The following PHACTR1 variants were observed in gnomAD, a reference collection of about 807,000 sequenced individuals.
PHACTR1 encodes phosphatase and actin regulator 1, also known as RPEL repeat containing 1.
A neutral mutation model predicts 69.2 loss-of-function variants in PHACTR1; 16 were observed. That is an observed-to-expected ratio of 0.23 (90% confidence interval 0.16 to 0.35). PHACTR1 has a LOEUF of 0.35. PHACTR1 is among the 10% of genes least tolerant of loss of function. PHACTR1 has a pLI of 1.00. For missense variants in PHACTR1, 510 were observed against 734.7 expected (o/e 0.69, Z 3.54); for synonymous variants, 312 against 284.5 (o/e 1.10, Z -0.97).
intron 4 of PHACTR1, among the ~76,000 whole-genome samples, chr6:12,977,380 TCACACA>T (rs67391969): frequency 1.3e-5 from 2 of 149,310 alleles, no homozygotes; most frequent in Non-Finnish European, 3.0e-5. Flanking sequence ...TCTCTCTCTT[TCACACA>T]CACACACACA....
chr6:13,040,887 C>T (rs1804035439), intron 4 of PHACTR1, among the ~76,000 whole-genome samples: 1 of 152,138 alleles, frequency 6.6e-6, no homozygotes, highest in Admixed American at 6.5e-5. Flanking sequence ...GATTAACTTG[C>T]CTGTGGTTAC....
Position 12,810,372 on chromosome 6 carries a change from A to G in PHACTR1, c.250+60582A>G, listed in dbSNP as rs185215345. ...TTTGTTTTTGCCTAAGATAATTTAC[A>G]CTGCTCTTCCATCCCTCCACATCCC... On this transcript the variant is annotated intron_variant, in intron 4 of 14. Transcript: ENST00000332995. 4.2e-3 allele frequency among the ~76,000 whole-genome samples: 635 copies of G among 152,190 alleles called. 5 individuals carry two copies. The highest frequency in any genetic ancestry group is 0.015 in the African/African-American group (613 of 41,524).
At position 13,275,157 on chromosome 6, in the gene PHACTR1, C is replaced by A. The variant is rs1778623531; in HGVS notation, c.1447+2242C>A. On this transcript the variant is annotated intron_variant, in intron 11 of 14. Transcript: ENST00000332995. This position sits in a 1 kb window ranked among gnomAD's most constrained non-coding sequence, Gnocchi z 4.0. ...GGAACAGGGCACAGAGATGCCATGG[C>A]TCAGCCCTGGAGCTTTGAGAGCCTT... The A allele has an allele frequency of 6.6e-6, 1 of 152,342 alleles. No individual in the cohort carries two copies. 9.4% of individuals were successfully genotyped at this position (152,342 alleles called of 1,614,324 possible).
intron 4 of PHACTR1, among the ~76,000 whole-genome samples, chr6:13,047,469 C>T (rs1805257964): frequency 6.6e-6 from 1 of 151,660 alleles, no homozygotes; most frequent in Non-Finnish European, 1.5e-5. Context: ...TCTTTGGTTC[C>T]CATTCCTAGG....
intron 4 of PHACTR1, among the ~76,000 whole-genome samples, chr6:12,768,562 G>A (rs1026589448): frequency 5.5e-5 from 6 of 109,294 alleles, no homozygotes; most frequent in African/African-American, 1.5e-4. Context: ...GTATGAAGGG[G>A]CAACATTTTT....
Position 13,287,321 on chromosome 6 carries a change from G to A in PHACTR1, c.*243G>A. ...CCAAAATGCATCCCAACCCCCGGCA[G>A]TGCCAAGGGCACCAGCAGGGCCCTG... On this transcript the variant is annotated 3_prime_UTR_variant, in exon 15 of 15. Coordinates refer to ENST00000332995, the MANE Select transcript of PHACTR1 (RefSeq NM_030948.6). 1.8e-6 allele frequency: 1 copy of A among 546,158 alleles called. No homozygotes were observed. The highest frequency in any genetic ancestry group is 3.2e-5 in the East Asian group (1 of 30,854). 33.8% of individuals were successfully genotyped at this position (546,158 alleles called of 1,614,324 possible).
intron 4 of PHACTR1, among the ~76,000 whole-genome samples, chr6:12,926,125 C>T (rs1410404309): frequency 6.6e-6 from 1 of 152,174 alleles, no homozygotes; most frequent in Non-Finnish European, 1.5e-5. Flanking sequence ...TGCTGCCTCT[C>T]AGACCCCTTA....
chr6:13,048,553 T>TGTGTGA (rs777967292), intron 4 of PHACTR1, among the ~76,000 whole-genome samples: 4 of 151,924 alleles, frequency 2.6e-5, no homozygotes, highest in African/African-American at 7.2e-5. Context: ...TGTGTGTGTG[T>TGTGTGA]GATGGAGTTT....
At chr6:12,721,040 A>G (rs1241195981) in intron 3 of PHACTR1, among the ~76,000 whole-genome samples, 1 of 152,224 alleles carries the variant, frequency 6.6e-6, no homozygotes, top group Non-Finnish European at 1.5e-5. Context: ...GCTACACACG[A>G]GCAAATCAAT....
chr6:12,765,136 A>G (rs953627109), intron 4 of PHACTR1, among the ~76,000 whole-genome samples: 10 of 151,600 alleles, frequency 6.6e-5, no homozygotes, highest in Non-Finnish European at 1.3e-4. Flanking sequence ...CTCAGGCAAG[A>G]AGAAGGCTCA....
chr6:13,039,489 T>C (rs1282154415), intron 4 of PHACTR1, among the ~76,000 whole-genome samples: 1 of 152,206 alleles, frequency 6.6e-6, no homozygotes, highest in Non-Finnish European at 1.5e-5. Context: ...AAGATTGATA[T>C]TTGATTAGCT....
chr6:12,883,995 T>C (rs1783375373), intron 4 of PHACTR1, among the ~76,000 whole-genome samples: 1 of 151,182 alleles, frequency 6.6e-6, no homozygotes, highest in African/African-American at 2.5e-5. Context: ...CATACACAAA[T>C]ATACACACAT....
intron 5 of PHACTR1, 108 bp downstream of exon 5, chr6:13,053,637 T>C (rs2127737160): frequency 7.5e-7 from 1 of 1,333,850 alleles, no homozygotes. Flanking sequence ...GGAGAAAAAA[T>C]ATCAAGCCTT....
intron 4 of PHACTR1, among the ~76,000 whole-genome samples, chr6:12,936,488 G>A (rs1322109160): frequency 1.3e-5 from 2 of 151,906 alleles, no homozygotes; most frequent in Non-Finnish European, 1.5e-5. Context: ...TTTATATGGC[G>A]TTGTTTGCAG....
At chr6:13,021,923 A>C (rs1254434290) in intron 4 of PHACTR1, among the ~76,000 whole-genome samples, 3 of 152,168 alleles carry the variant, frequency 2.0e-5, no homozygotes, top group Non-Finnish European at 4.4e-5. Flanking sequence ...TACTCTTGTG[A>C]CCATTTAAGA....
intron 5 of PHACTR1, among the ~76,000 whole-genome samples, chr6:13,124,425 A>G (rs1047655311): frequency 6.6e-6 from 1 of 152,216 alleles, no homozygotes; most frequent in Admixed American, 6.5e-5. Context: ...AGGTATGCAC[A>G]TGCAGTAGTT....
In PHACTR1 at chr6:13,205,799, C is replaced by T. The variant is rs1354302163; in HGVS notation, c.665-16C>T. The T allele has an allele frequency of 6.4e-7, 1 of 1,565,946 alleles. No individual in the cohort carries two copies. Among genetic ancestry groups the T allele is most frequent in the Non-Finnish European group, 8.7e-7 (1 of 1,149,840 alleles). On this transcript the variant is annotated splice_polypyrimidine_tract_variant and intron_variant, in intron 7 of 14. Coordinates refer to ENST00000332995, the MANE Select transcript of PHACTR1 (RefSeq NM_030948.6). ...CCCCAAACTCACATCTGCCTCTCGC[C>T]CTCTTTCTGCCACAGATCCTGGCGC...
At chr6:12,893,067 C>G (rs1784313556) in intron 4 of PHACTR1, among the ~76,000 whole-genome samples, 1 of 152,158 alleles carries the variant, frequency 6.6e-6, no homozygotes, top group South Asian at 2.1e-4. Context: ...AGTAAAGTGG[C>G]TGAAGGTGAG....
intron 10 of PHACTR1, chr6:13,252,993 A>G (rs2127402153): frequency 2.2e-6 from 1 of 453,084 alleles, no homozygotes; most frequent in Non-Finnish European, 4.5e-6. Flanking sequence ...TTGAGTTGTT[A>G]TTGTTTCCAG....
Sources: gnomAD v4.1 joint callset for allele counts (sites outside exome capture counted in the v4.1 genomes callset) on GRCh38, gnomAD v4.1.1 for gene constraint, Gnocchi (gnomAD v3.1) non-coding constraint, MANE v1.5 for transcripts, NCBI Gene and HGNC (gene_info 2026-07-23, HGNC 2026-07-21) for gene names.